GPR39: variants seen among roughly 807,000 people sequenced by gnomAD.
The protein encoded by GPR39 is zinc sensing receptor.
In GPR39, 23 loss-of-function variants were observed where a neutral mutation model predicts 18.4. The ratio of observed to expected loss-of-function variants is 1.25; its 90% confidence interval spans 0.90 to 1.77. The LOEUF (loss-of-function observed/expected upper bound fraction) is 1.77. GPR39 is among the 40% of genes most tolerant of loss of function. GPR39 has a pLI of 0.00. For missense variants in GPR39, 647 were observed against 602.4 expected (o/e 1.07, Z -0.78); for synonymous variants, 280 against 257.9 (o/e 1.09, Z -0.82).
chr2:132,538,719 G>A (rs2104783244), intron 1 of GPR39, among the ~76,000 whole-genome samples: 1 of 152,342 alleles, frequency 6.6e-6, no homozygotes, highest in African/African-American at 2.4e-5. Flanking sequence ...CTGTCTGTAA[G>A]CCCCTGACTG....
In GPR39 at chr2:132,606,885, G is replaced by A. The variant is rs761186929; in HGVS notation, c.857-38216G>A. On this transcript the variant is annotated intron_variant, in intron 1 of 1. Transcript: ENST00000329321. ...AGTCCCCCTGGCAGAACTCCCCCTG[G>A]AGTCCGCGTTGCCCCTAACCAAGGG... Among the ~76,000 whole-genome samples the A allele has an allele frequency of 4.1e-4, 63 of 152,172 alleles. 1 individual carries two copies. The highest frequency in any genetic ancestry group is 3.3e-3 in the Admixed American group (51 of 15,274).
chr2:132,632,819 A>C (rs890629613), intron 1 of GPR39, among the ~76,000 whole-genome samples: 6 of 152,180 alleles, frequency 3.9e-5, no homozygotes, highest in African/African-American at 1.4e-4. Context: ...TCTGGGGCAG[A>C]TGATTGGATT....
chr2:132,645,529 G>A lies in GPR39; in HGVS notation c.1285G>A (p.Glu429Lys), dbSNP rs1198490880. Reference sequence around the variant, plus strand: ...GTCTAAGTCCCAGTCATTGAGTCTCGAGTCACTAGAGCCCAACTCAGGCGC... The same window carrying A: ...GTCTAAGTCCCAGTCATTGAGTCTCAAGTCACTAGAGCCCAACTCAGGCGC... ...PQSKSQSLSL[E>K]SLEPNSGAKP... The change falls in exon 2 of 2, where the codon GAG becomes AAG. Residue 429 changes from glutamate to lysine, a missense_variant. Physicochemically the swap from Glu to Lys is moderately conservative, Grantham distance 56. This residue lies in a region of GPR39 where 581 missense variants were observed against 506.8 expected (regional missense o/e 1.15). Coordinates refer to ENST00000329321, the MANE Select transcript of GPR39 (RefSeq NM_001508.3). The A allele has an allele frequency of 5.0e-5, 80 of 1,614,056 alleles. No homozygotes were observed. Among genetic ancestry groups the A allele is most frequent in the Non-Finnish European group, 6.6e-5 (78 of 1,180,032 alleles).
chr2:132,526,816 A>G (rs1006996065), intron 1 of GPR39, among the ~76,000 whole-genome samples: 1 of 152,262 alleles, frequency 6.6e-6, no homozygotes, highest in Admixed American at 6.5e-5. Context: ...ATTTCTAGAT[A>G]CCATTTGCAC....
intron 1 of GPR39, among the ~76,000 whole-genome samples, chr2:132,602,850 G>C (rs1307174218): frequency 1.5e-5 from 2 of 135,644 alleles, no homozygotes; most frequent in African/African-American, 2.7e-5. Context: ...GACCTTTTTA[G>C]CCTAGAATGG....
chr2:132,519,148 G>T (rs1679381393), intron 1 of GPR39, among the ~76,000 whole-genome samples: 1 of 152,190 alleles, frequency 6.6e-6, no homozygotes, highest in South Asian at 2.1e-4. Context: ...CAAATTTACA[G>T]TCTCTGTGAA....
intron 1 of GPR39, among the ~76,000 whole-genome samples, chr2:132,560,800 A>ACTT (rs1558839885): frequency 1.3e-5 from 2 of 150,836 alleles, no homozygotes; most frequent in East Asian, 3.9e-4. Context: ...GAAGTGAGCC[A>ACTT]CTCTTTCTAT....
At chr2:132,607,219 A>G (rs970003347) in intron 1 of GPR39, among the ~76,000 whole-genome samples, 1 of 152,210 alleles carries the variant, frequency 6.6e-6, no homozygotes, top group African/African-American at 2.4e-5. Flanking sequence ...TGCAAAATTT[A>G]CAAGATATTT....
At chr2:132,428,743 A>G (rs1290499426) in intron 1 of GPR39, among the ~76,000 whole-genome samples, 2 of 152,248 alleles carry the variant, frequency 1.3e-5, no homozygotes, top group Non-Finnish European at 2.9e-5. Context: ...AAAAGGGTGA[A>G]TTGGGAAGGA....
chr2:132,431,893 C>A (rs1446440273), intron 1 of GPR39, among the ~76,000 whole-genome samples: 1 of 152,168 alleles, frequency 6.6e-6, no homozygotes, highest in African/African-American at 2.4e-5. Flanking sequence ...GTTCTGGAGG[C>A]CAGAAGTCCA....
chr2:132,636,016 T>G (rs1216902123), intron 1 of GPR39, among the ~76,000 whole-genome samples: 1 of 152,164 alleles, frequency 6.6e-6, no homozygotes, highest in Non-Finnish European at 1.5e-5. Context: ...AAATTTCTGT[T>G]GTTTATGCCA....
chr2:132,543,516 T>C (rs1262177543), intron 1 of GPR39, among the ~76,000 whole-genome samples: 1 of 152,010 alleles, frequency 6.6e-6, no homozygotes, highest in African/African-American at 2.4e-5. Context: ...AATAACATAC[T>C]AAGGATAGGA....
intron 1 of GPR39, among the ~76,000 whole-genome samples, chr2:132,435,332 T>C (rs551285341): frequency 6.6e-6 from 1 of 152,154 alleles, no homozygotes; most frequent in Non-Finnish European, 1.5e-5. Flanking sequence ...AACATGAAGA[T>C]GATGAGGATG....
At chr2:132,556,065 C>G (rs1462165221) in intron 1 of GPR39, among the ~76,000 whole-genome samples, 1 of 152,112 alleles carries the variant, frequency 6.6e-6, no homozygotes, top group East Asian at 1.9e-4. Context: ...GGTCCAGGGT[C>G]GTGCTTTGAG....
At chr2:132,497,381 A>G (rs553478777) in intron 1 of GPR39, among the ~76,000 whole-genome samples, 84 of 146,190 alleles carry the variant, frequency 5.7e-4, no homozygotes, top group Non-Finnish European at 2.9e-4. Flanking sequence ...AGAGAGGAAG[A>G]GTGGGTTCTG....
chr2:132,499,273 G>C (rs111693593), intron 1 of GPR39, among the ~76,000 whole-genome samples: 1 of 152,042 alleles, frequency 6.6e-6, no homozygotes, highest in Non-Finnish European at 1.5e-5. Context: ...ATTCTTCTAC[G>C]TGTGGCTTGC....
At chr2:132,601,662 C>T (rs57248603) in intron 1 of GPR39, among the ~76,000 whole-genome samples, 35,880 of 151,914 alleles carry the variant, frequency 0.24, 4,738 homozygotes, top group African/African-American at 0.34. Context: ...CATGGTCTTA[C>T]ATATAGGAAA....
At chr2:132,577,339 G>A (rs570550093) in intron 1 of GPR39, among the ~76,000 whole-genome samples, 23 of 143,858 alleles carry the variant, frequency 1.6e-4, no homozygotes, top group African/African-American at 6.5e-4. Context: ...CCTGGGCCCT[G>A]TCTCAGAAAA....
At chr2:132,473,096 G>A (rs1044667823) in intron 1 of GPR39, among the ~76,000 whole-genome samples, 7 of 152,136 alleles carry the variant, frequency 4.6e-5, no homozygotes, top group East Asian at 1.9e-4. Flanking sequence ...CTGAATCACC[G>A]GGTAAATAAA....
Sources: allele counts gnomAD v4.1 joint callset (sites outside exome capture counted in the v4.1 genomes callset), GRCh38; gene constraint gnomAD v4.1.1; regional missense constraint gnomAD v4.1.1; transcripts MANE v1.5; gene names NCBI Gene and HGNC (gene_info 2026-07-23, HGNC 2026-07-21).